Variants in MYT1L observed in about 807,000 individuals in gnomAD.
MYT1L encodes myelin transcription factor 1-like protein.
Under a neutral mutation model 126.7 loss-of-function variants are expected in MYT1L, and 12 were observed. That is an observed-to-expected ratio of 0.09 (90% CI 0.06 to 0.15). The LOEUF (loss-of-function observed/expected upper bound fraction) is 0.15. Ranked by LOEUF, MYT1L falls within the 10% of genes least tolerant of loss-of-function variation. MYT1L has a pLI of 1.00. For missense variants in MYT1L, 979 were observed against 1,585.2 expected (o/e 0.62, Z 6.49); for synonymous variants, 541 against 604.2 (o/e 0.90, Z 1.53).
intron 21 of MYT1L, among the ~76,000 whole-genome samples, chr2:1,833,232 A>G (rs1205623327): frequency 1.3e-5 from 2 of 152,116 alleles, no homozygotes; most frequent in Non-Finnish European, 1.5e-5. Flanking sequence ...CGAGGCTCTT[A>G]TGTGAGTCTG....
In MYT1L at chr2:2,246,401, G is replaced by T. The variant is rs550550078; in HGVS notation, c.-421+38003C>A. Among the ~76,000 whole-genome samples the T allele has an allele frequency of 6.6e-5, 10 of 152,300 alleles. No individual in the cohort carries two copies. The South Asian group carries it at 8.3e-4, about 13-fold the overall frequency. On this transcript the variant is annotated intron_variant, in intron 2 of 24. Coordinates refer to ENST00000647738, the MANE Select transcript of MYT1L (RefSeq NM_001303052.2). ...TAGGTACCTGGGGCTAGGATGGGGA[G>T]ACAGTGTGGCTGAAATGAGCTGTGT...
At chr2:1,937,184 C>T (rs942858374) in intron 9 of MYT1L, among the ~76,000 whole-genome samples, 1 of 152,186 alleles carries the variant, frequency 6.6e-6, no homozygotes, top group African/African-American at 2.4e-5. Context: ...CAAAAGCAGC[C>T]CCTGCTTCCT....
chr2:2,122,068 G>C (rs1291750996), intron 3 of MYT1L, among the ~76,000 whole-genome samples: 1 of 152,192 alleles, frequency 6.6e-6, no homozygotes, highest in Admixed American at 6.5e-5. Flanking sequence ...ACCGTCATCT[G>C]GCGATGATGT....
chr2:2,190,762 A>G (rs1417651828), intron 2 of MYT1L, among the ~76,000 whole-genome samples: 1 of 152,170 alleles, frequency 6.6e-6, no homozygotes, highest in African/African-American at 2.4e-5. Flanking sequence ...TGCCATGATC[A>G]AGCGTATGGC....
intron 1 of MYT1L, among the ~76,000 whole-genome samples, chr2:2,318,357 TCTTA>T (rs2096103995): frequency 6.6e-6 from 1 of 152,216 alleles, no homozygotes; most frequent in Admixed American, 6.5e-5. Context: ...GCCTTTCCAC[TCTTA>T]CTAACCCCTA....
At chr2:2,292,340 A>G (rs2095612066) in intron 1 of MYT1L, among the ~76,000 whole-genome samples, 2 of 152,240 alleles carry the variant, frequency 1.3e-5, no homozygotes, top group Admixed American at 1.3e-4. Context: ...CCCAAACGTT[A>G]CATGAAAACA....
In MYT1L at chr2:1,789,945, G is replaced by A. The variant is rs1039406738; in HGVS notation, c.*1922C>T. On this transcript the variant is annotated 3_prime_UTR_variant, in exon 25 of 25. Transcript: ENST00000647738. The stretch of plus-strand genomic sequence containing the variant: ...TGTACAGTGAACAGTATAAAGTGCC[G>A]CTGGGATATACATATATTTATACAC... 3 of 152,172 alleles carry A rather than the reference G, an allele frequency of 2.0e-5. No individual in the cohort carries two copies. The highest frequency in any genetic ancestry group is 2.9e-5 in the Non-Finnish European group (2 of 68,032). The allele number at this position is 152,172 out of a possible 1,614,324, so 9.4% of individuals were successfully genotyped here.
At chr2:2,102,608 G>A (rs1410979320) in intron 3 of MYT1L, among the ~76,000 whole-genome samples, 3 of 122,110 alleles carry the variant, frequency 2.5e-5, no homozygotes, top group Admixed American at 7.8e-5. Flanking sequence ...TTGGGAATGT[G>A]TGTGTGTGTG....
intron 14 of MYT1L, among the ~76,000 whole-genome samples, chr2:1,901,313 G>T (rs1478645002): frequency 1.3e-5 from 2 of 152,168 alleles, no homozygotes; most frequent in African/African-American, 2.4e-5. Context: ...TGAAAGAATG[G>T]ATCAAATCCC....
At chr2:2,223,615 T>C (rs1376190934) in intron 2 of MYT1L, among the ~76,000 whole-genome samples, 1 of 152,236 alleles carries the variant, frequency 6.6e-6, no homozygotes. Flanking sequence ...TTTCTCCATA[T>C]ATTTGACCAT....
intron 3 of MYT1L, among the ~76,000 whole-genome samples, chr2:2,151,866 C>G (rs1377113492): frequency 6.6e-6 from 1 of 152,034 alleles, no homozygotes; most frequent in African/African-American, 2.4e-5. Context: ...ACCAGCCTGG[C>G]CAACATAATG....
At chr2:2,064,701 A>T (rs1458425267) in intron 3 of MYT1L, among the ~76,000 whole-genome samples, 1 of 152,248 alleles carries the variant, frequency 6.6e-6, no homozygotes, top group East Asian at 1.9e-4. Context: ...TATGAAACAT[A>T]TAACATATCT....
chr2:2,031,785 G>A (rs1244817672), intron 4 of MYT1L, among the ~76,000 whole-genome samples: 3 of 138,508 alleles, frequency 2.2e-5, no homozygotes, highest in African/African-American at 8.3e-5. Flanking sequence ...CCCCTCGCCA[G>A]TGCCTCTCAT....
chr2:2,067,152 AG>A (rs578031642), intron 3 of MYT1L, among the ~76,000 whole-genome samples: 1 of 152,178 alleles, frequency 6.6e-6, no homozygotes, highest in African/African-American at 2.4e-5. Context: ...GAATCAGGAA[AG>A]GGGGGTAGTT....
At chr2:2,085,473 G>T (rs2076264073) in intron 3 of MYT1L, among the ~76,000 whole-genome samples, 1 of 152,094 alleles carries the variant, frequency 6.6e-6, no homozygotes, top group Non-Finnish European at 1.5e-5. Context: ...AGTCTATGCT[G>T]CTCCCTTTCC....
At position 2,146,722 on chromosome 2, in the gene MYT1L, A is replaced by T. The variant is rs74362738; in HGVS notation, c.-304+26150T>A. Among the ~76,000 whole-genome samples the T allele has an allele frequency of 6.1e-3, 921 of 152,222 alleles. 12 individuals carry two copies. The highest frequency in any genetic ancestry group is 0.021 in the African/African-American group (886 of 41,532). On this transcript the variant is annotated intron_variant, in intron 3 of 24. Coordinates refer to ENST00000647738, the MANE Select transcript of MYT1L (RefSeq NM_001303052.2). ...ACAATTTCCTATTGTTTCCATGCTT[A>T]CTCCTAATTTTCTTGGTGCAATTTT...
chr2:2,055,879 G>A (rs1234645521), intron 3 of MYT1L, among the ~76,000 whole-genome samples: 1 of 152,158 alleles, frequency 6.6e-6, no homozygotes, highest in Non-Finnish European at 1.5e-5. Context: ...GATTCATCGT[G>A]TTGTCCATCG....
intron 8 of MYT1L, among the ~76,000 whole-genome samples, chr2:1,947,550 C>T (rs1397879622): frequency 6.6e-6 from 1 of 152,120 alleles, no homozygotes; most frequent in African/African-American, 2.4e-5. Flanking sequence ...AGGCGGGCTG[C>T]CTCCTGCTCA....
intron 3 of MYT1L, among the ~76,000 whole-genome samples, chr2:2,162,934 C>T (rs1036644355): frequency 2.0e-5 from 3 of 152,148 alleles, no homozygotes; most frequent in Non-Finnish European, 2.9e-5. Context: ...TGATCTGTAA[C>T]CCCGTGACCT....
Sources: gnomAD v4.1 joint callset for allele counts (sites outside exome capture counted in the v4.1 genomes callset) on GRCh38, gnomAD v4.1.1 for gene constraint, MANE v1.5 for transcripts, NCBI Gene and HGNC (gene_info 2026-07-23, HGNC 2026-07-21) for gene names.